RYR2: variants seen among roughly 807,000 people sequenced by gnomAD.
RYR2 encodes ryanodine receptor 2, also known as cardiac muscle ryanodine receptor-calcium release channel.
A neutral mutation model predicts 601.1 loss-of-function variants in RYR2; 227 were observed. The ratio of observed to expected loss-of-function variants is 0.38; its 90% CI spans 0.34 to 0.42. The LOEUF is 0.42. Among genes scored for constraint, RYR2 ranks in the 10% least tolerant of loss-of-function variants. The probability of loss-of-function intolerance (pLI) is 1.00; values close to 1 mark genes in which losing one functional copy is unlikely to be tolerated. For synonymous variants in RYR2, 2,223 were observed against 2,175.1 expected, an observed-to-expected ratio of 1.02 and a Z score of -0.61; for missense variants, 4,646 against 6,156.5, an observed-to-expected ratio of 0.75 and a Z score of 8.21.
chr1:237,217,223 C>T (rs1683286382), intron 1 of RYR2, among the ~76,000 whole-genome samples: 1 of 152,050 alleles, frequency 6.6e-6, no homozygotes, highest in Admixed American at 6.5e-5. Context: ...AACATCATTG[C>T]ATTATTATAA....
rs141799183 is a variant in RYR2, at chr1:237,343,972, C to G, written c.274-11993C>G. Among the ~76,000 whole-genome samples, 252 of 152,204 alleles carry G rather than the reference C, an allele frequency of 1.7e-3. 1 individual carries two copies. Among genetic ancestry groups the G allele is most frequent in the African/African-American group, 5.8e-3 (243 of 41,546 alleles). On this transcript the variant is annotated intron_variant, in intron 3 of 104. Coordinates refer to ENST00000366574, the MANE Select transcript of RYR2 (RefSeq NM_001035.3). ...AGTAGCTGGGATTGCAGGCACCCAC[C>G]ACCACGCCTGGCTAATTTTTGTGTA...
intron 2 of RYR2, among the ~76,000 whole-genome samples, chr1:237,272,711 A>G (rs1050691247): frequency 3.3e-5 from 5 of 151,522 alleles, no homozygotes; most frequent in Admixed American, 3.3e-4. Flanking sequence ...AATAAACATA[A>G]CTATTTAAAA....
chr1:237,454,417 C>T lies in RYR2; in HGVS notation c.1319C>T (p.Ala440Val), dbSNP rs758904216. The change falls in exon 15 of 105, where the codon GCG becomes GTG. Residue 440 changes from alanine to valine, a missense_variant. By Grantham distance (64) the Ala-to-Val change is moderately conservative. This residue lies in a region of RYR2 where 1,807 missense variants were observed against 2,088.1 expected (regional missense o/e 0.87). Transcript: ENST00000366574. ...IRGLDALSKKAKASTVDLPIE... is the reference protein window; with the variant it reads ...IRGLDALSKKVKASTVDLPIE... ...GGCCTTGATGCTCTCAGCAAGAAAG[C>T]GAAGGCTTCCACAGTCGATTTGCCT... The T allele has an allele frequency of 3.0e-5, 48 of 1,610,816 alleles. No individual in the cohort carries two copies. The highest frequency in any genetic ancestry group is 3.5e-5 in the Non-Finnish European group (41 of 1,178,448).
chr1:237,129,241 A>C (rs2148692676), intron 1 of RYR2, among the ~76,000 whole-genome samples: 1 of 152,300 alleles, frequency 6.6e-6, no homozygotes, highest in South Asian at 2.1e-4. Flanking sequence ...AGCTAGAGTT[A>C]GTTCCTTGAA....
intron 1 of RYR2, among the ~76,000 whole-genome samples, chr1:237,042,931 C>T (rs1397150361): frequency 4.6e-5 from 7 of 152,102 alleles, no homozygotes; most frequent in African/African-American, 1.7e-4. Context: ...TGGGACCTCC[C>T]GGGCGGCCGG....
intron 94 of RYR2, 41 bp downstream of exon 94, chr1:237,792,364 T>TGTGTGTGTGTGCGCGC (rs1553327282): frequency 8.0e-6 from 7 of 876,318 alleles, no homozygotes; most frequent in East Asian, 5.4e-5. Context: ...TGTGTGTGTG[T>TGTGTGTGTGTGCGCGC]GTGTGTGTGT....
intron 77 of RYR2, 128 bp from the exon 78 acceptor site, chr1:237,731,917 CA>C: frequency 1.7e-6 from 1 of 597,214 alleles, no homozygotes. Flanking sequence ...CACACACACA[CA>C]CCCCACAACA....
chr1:237,411,019 C>A (rs1704403650), intron 10 of RYR2, among the ~76,000 whole-genome samples: 1 of 152,040 alleles, frequency 6.6e-6, no homozygotes, highest in South Asian at 2.1e-4. Context: ...ATGGATGAAC[C>A]TGGAAGACAT....
At chr1:237,332,858 G>GT (rs753618413) in intron 3 of RYR2, among the ~76,000 whole-genome samples, 5 of 152,024 alleles carry the variant, frequency 3.3e-5, no homozygotes, top group Non-Finnish European at 5.9e-5. Context: ...AGGATTTATG[G>GT]TTTTTTTGAG....
At chr1:237,127,152 A>G (rs1298198413) in intron 1 of RYR2, among the ~76,000 whole-genome samples, 1 of 152,122 alleles carries the variant, frequency 6.6e-6, no homozygotes, top group African/African-American at 2.4e-5. Flanking sequence ...TTCTTAGTAC[A>G]GAACAAAATG....
intron 24 of RYR2, among the ~76,000 whole-genome samples, chr1:237,517,174 C>A (rs1666628645): frequency 6.6e-6 from 1 of 152,088 alleles, no homozygotes; most frequent in South Asian, 2.1e-4. Flanking sequence ...TTTTTCCTGC[C>A]TCACTATTCT....
chr1:237,191,982 G>T (rs1271216697), intron 1 of RYR2, among the ~76,000 whole-genome samples: 3 of 151,888 alleles, frequency 2.0e-5, no homozygotes, highest in African/African-American at 7.3e-5. Context: ...ATACCTTTTT[G>T]AATTCCTTCC....
At chr1:237,759,590 AGT>A (rs1693242573) in intron 82 of RYR2, among the ~76,000 whole-genome samples, 184 bp from the exon 83 acceptor site, 1 of 152,174 alleles carries the variant, frequency 6.6e-6, no homozygotes, top group African/African-American at 2.4e-5. Flanking sequence ...TCTTATTCCA[AGT>A]TTGCGTAACT....
At chr1:237,796,056 A>G (rs148736721) in intron 96 of RYR2, among the ~76,000 whole-genome samples, 1 of 151,534 alleles carries the variant, frequency 6.6e-6, no homozygotes, top group African/African-American at 2.4e-5. Context: ...TTACTTTGTT[A>G]GAAGCAATGT....
chr1:237,674,081 C>G lies in RYR2; in HGVS notation c.8591-15C>G. On this transcript the variant is annotated splice_polypyrimidine_tract_variant and intron_variant, in intron 58 of 104. Transcript: ENST00000366574. ...CAAATTACTATGCTGTGTTCTTGTC[C>G]TGACATACTCTTAGGAGGAGGAAAC... 5 of 1,604,818 alleles carry G rather than the reference C, an allele frequency of 3.1e-6. No individual in the cohort carries two copies. Among genetic ancestry groups the G allele is most frequent in the Non-Finnish European group, 4.3e-6 (5 of 1,173,568 alleles).
chr1:237,068,208 A>G (rs1162032037), intron 1 of RYR2, among the ~76,000 whole-genome samples: 2 of 152,116 alleles, frequency 1.3e-5, no homozygotes, highest in African/African-American at 2.4e-5. Context: ...ACAAGTATAT[A>G]CAGTATGGTG....
intron 27 of RYR2, among the ~76,000 whole-genome samples, chr1:237,551,646 C>T (rs1026499997): frequency 5.9e-5 from 9 of 151,674 alleles, no homozygotes; most frequent in African/African-American, 1.5e-4. Flanking sequence ...AAACAAATTA[C>T]GGTTGTGTGC....
chr1:237,683,794 T>C (rs191733810), intron 62 of RYR2, among the ~76,000 whole-genome samples: 2 of 152,210 alleles, frequency 1.3e-5, no homozygotes, highest in East Asian at 3.9e-4. Flanking sequence ...AAAGGTATGA[T>C]TGATGAGAGT....
At position 237,783,995 on chromosome 1, in the gene RYR2, G is replaced by A. The variant is rs753850982; in HGVS notation, c.12283G>A (p.Gly4095Ser). ...KRFHEPAKDI[G>S]FNVAVLLTNL... ...CTTCCACGAACCTGCGAAGGACATC[G>A]GCTTCAACGTCGCCGTCCTTCTGAC... Residue 4095 changes from glycine to serine, a missense_variant, in exon 90 of 105, where the codon GGC becomes AGC. Physicochemically the swap from Gly to Ser is moderately conservative, Grantham distance 56. This residue lies in a region of RYR2 where 70 missense variants were observed against 164.6 expected (regional missense o/e 0.43). Transcript: ENST00000366574. The A allele has an allele frequency of 9.3e-6, 15 of 1,613,832 alleles. No homozygotes were observed. In the South Asian group the frequency reaches 1.1e-4, roughly 12 times the overall value.
Sources: allele counts gnomAD v4.1 joint callset (sites outside exome capture counted in the v4.1 genomes callset), GRCh38; gene constraint gnomAD v4.1.1; regional missense constraint gnomAD v4.1.1; transcripts MANE v1.5; gene names NCBI Gene and HGNC (gene_info 2026-07-23, HGNC 2026-07-21).